The following SYNRG variants were observed in gnomAD, a reference collection of about 807,000 sequenced individuals.
SYNRG encodes the protein synergin gamma.
SYNRG carries 37 observed loss-of-function variants against 130.9 expected under a neutral mutation model. The ratio of observed to expected loss-of-function variants is 0.28; its 90% CI spans 0.22 to 0.37. SYNRG has a LOEUF of 0.37. Ranked by LOEUF, SYNRG falls within the 10% of genes least tolerant of loss-of-function variation. The pLI is 1.00. For missense variants in SYNRG, 1,338 were observed against 1,588.9 expected, an observed-to-expected ratio of 0.84 and a Z score of 2.68; for synonymous variants, 539 against 568.1, an observed-to-expected ratio of 0.95 and a Z score of 0.73.
chr17:37,519,161 A>G, intron 21 of SYNRG, 90 bp from the exon 22 acceptor site: 1 of 1,534,762 alleles, frequency 6.5e-7, no homozygotes, highest in South Asian at 1.3e-5. Flanking sequence ...CTATCTCTCC[A>G]GGTCACAGAG....
At chr17:37,564,861 C>T (rs185855892) in intron 11 of SYNRG, among the ~76,000 whole-genome samples, 10 of 152,336 alleles carry the variant, frequency 6.6e-5, no homozygotes, top group African/African-American at 2.4e-4. Flanking sequence ...GTGGTTTTTG[C>T]TTCTGTATTT....
chr17:37,578,537 T>G (rs1160442111), intron 6 of SYNRG, among the ~76,000 whole-genome samples: 2 of 152,112 alleles, frequency 1.3e-5, no homozygotes, highest in Non-Finnish European at 2.9e-5. Flanking sequence ...TTCCACTAAC[T>G]CCTAGGGAGG....
intron 19 of SYNRG, among the ~76,000 whole-genome samples, chr17:37,531,169 G>A (rs1237382378): frequency 6.6e-6 from 1 of 152,204 alleles, no homozygotes; most frequent in Non-Finnish European, 1.5e-5. Flanking sequence ...GGAGTTCAAG[G>A]CTGTAGTGAG....
chr17:37,536,888 G>C (rs569567693), intron 18 of SYNRG: 4 of 152,232 alleles, frequency 2.6e-5, no homozygotes, highest in African/African-American at 9.7e-5. Context: ...ACATGACCCC[G>C]ATCTCTCTAA....
At chr17:37,552,445 C>T (rs1012707921) in intron 14 of SYNRG, among the ~76,000 whole-genome samples, 7 of 151,992 alleles carry the variant, frequency 4.6e-5, no homozygotes, top group Admixed American at 3.3e-4. Context: ...TAGCAGTTAC[C>T]CTATCCTAGC....
intron 19 of SYNRG, among the ~76,000 whole-genome samples, chr17:37,530,808 G>C (rs2056554788): frequency 6.6e-6 from 1 of 152,226 alleles, no homozygotes; most frequent in South Asian, 2.1e-4. Context: ...TAGGGGCAGT[G>C]ATGTGTGGTA....
rs565989824 is a variant in SYNRG, at chr17:37,555,967, A to T, written c.1664-1908T>A. ...ACCAACCAACATCATTTATTATTTTAAAAAATGACTGCCATTTCTGGAGAT... is the reference window on the plus strand; with the variant it reads ...ACCAACCAACATCATTTATTATTTTTAAAAATGACTGCCATTTCTGGAGAT... On this transcript the variant is annotated intron_variant, in intron 13 of 21. Coordinates refer to ENST00000612223, the MANE Select transcript of SYNRG (RefSeq NM_007247.6). Among the ~76,000 whole-genome samples, 204 of 152,286 alleles carry T rather than the reference A, an allele frequency of 1.3e-3. 2 individuals are homozygous for T. The Middle Eastern group carries it at 0.017, about 13-fold the overall frequency.
intron 1 of SYNRG, chr17:37,600,758 A>C (rs1336922817): frequency 2.8e-6 from 1 of 358,660 alleles, no homozygotes; most frequent in Non-Finnish European, 5.2e-6. Flanking sequence ...GAATCTTATA[A>C]TCAAAAATAC....
chr17:37,568,623 G>C (rs1289688084), intron 11 of SYNRG, 168 bp downstream of exon 11: 1 of 658,740 alleles, frequency 1.5e-6, no homozygotes, highest in Non-Finnish European at 2.4e-6. Flanking sequence ...GATGGACAAA[G>C]GGGAGAGAAG....
At chr17:37,556,360 A>T (rs1305578768) in intron 13 of SYNRG, among the ~76,000 whole-genome samples, 1 of 152,150 alleles carries the variant, frequency 6.6e-6, no homozygotes, top group Non-Finnish European at 1.5e-5. Context: ...CTGAGGCAGG[A>T]GAATCGCTTG....
intron 14 of SYNRG, among the ~76,000 whole-genome samples, chr17:37,546,346 A>G (rs756708086): frequency 2.0e-5 from 3 of 152,226 alleles, no homozygotes; most frequent in Non-Finnish European, 2.9e-5. Context: ...GTTCTGCTGC[A>G]AAACTCCTAG....
At chr17:37,525,276 AT>A (rs1444937226) in intron 19 of SYNRG, among the ~76,000 whole-genome samples, 8 of 152,186 alleles carry the variant, frequency 5.3e-5, no homozygotes, top group Admixed American at 2.0e-4. Context: ...ATTTAAAAAA[AT>A]ATATACATAT....
At chr17:37,592,384 G>A (rs2146721348) in intron 3 of SYNRG, among the ~76,000 whole-genome samples, 1 of 152,282 alleles carries the variant, frequency 6.6e-6, no homozygotes, top group Admixed American at 6.5e-5. Context: ...AAAAAGTTTG[G>A]CAGCATCTTA....
At chr17:37,559,324 G>C (rs2059351616) in intron 13 of SYNRG, among the ~76,000 whole-genome samples, 1 of 152,040 alleles carries the variant, frequency 6.6e-6, no homozygotes, top group Non-Finnish European at 1.5e-5. Context: ...TAGATCATGA[G>C]TGAAAGGCTA....
intron 6 of SYNRG, among the ~76,000 whole-genome samples, chr17:37,580,478 C>CGTGT (rs1341679385): frequency 0.014 from 1,711 of 121,916 alleles, 18 homozygotes; most frequent in Middle Eastern, 0.036. Flanking sequence ...CTTTGTATTT[C>CGTGT]GTGTGTGTGT....
intron 2 of SYNRG, 105 bp from the exon 3 acceptor site, chr17:37,596,449 T>TG: frequency 2.3e-6 from 3 of 1,295,262 alleles, no homozygotes; most frequent in Non-Finnish European, 3.2e-6. Flanking sequence ...CAGAGTGTAA[T>TG]GGAAAAAGCA....
chr17:37,552,218 A>G (rs910111886), intron 14 of SYNRG, among the ~76,000 whole-genome samples: 4 of 152,234 alleles, frequency 2.6e-5, no homozygotes, highest in African/African-American at 9.6e-5. Context: ...AGAATAATAC[A>G]GTGATACTGA....
chr17:37,533,459 TA>T (rs78150707), intron 19 of SYNRG, among the ~76,000 whole-genome samples: 17,892 of 148,282 alleles, frequency 0.12, 1,314 homozygotes, highest in East Asian at 0.24. Flanking sequence ...GCTAGGAGAT[TA>T]AAAAAAAAAT....
rs761243048 is a variant in SYNRG at position 37,542,156 on chromosome 17, G to C, written c.3018C>G (p.Ser1006Arg). The part of the protein sequence containing the change: ...AERSQEATCP[S>R]PASSGASQET... ...CTTGAGAGGCACCACTGGACGCTGG[G>C]CTGGGACACGTGGCCTCCTGGCTCC... The change falls in exon 15 of 22, where the codon AGC (serine) becomes AGG (arginine). Residue 1006 changes from serine (S) to arginine (R), a missense_variant. By Grantham distance (110) the Ser-to-Arg change is moderately radical (BLOSUM62 -1). Transcript: ENST00000612223. The C allele has an allele frequency of 2.5e-6, 4 of 1,614,236 alleles. No homozygotes were observed. In the South Asian group the frequency reaches 4.4e-5, roughly 18 times the overall value.
Sources: gnomAD v4.1 joint callset for allele counts (sites outside exome capture counted in the v4.1 genomes callset) on GRCh38, gnomAD v4.1.1 for gene constraint, MANE v1.5 for transcripts, NCBI Gene and HGNC (gene_info 2026-07-23, HGNC 2026-07-21) for gene names.